The following GPR158 variants were observed in gnomAD, a reference collection of about 807,000 sequenced individuals.
GPR158 encodes G protein-coupled receptor 158.
Under a neutral mutation model 78.2 loss-of-function variants are expected in GPR158, and 30 were observed. The ratio of observed to expected loss-of-function variants is 0.38; its 90% confidence interval spans 0.29 to 0.52. GPR158 has a LOEUF of 0.52. Ranked by LOEUF, GPR158 falls within the 20% of genes least tolerant of loss-of-function variation. The probability of loss-of-function intolerance (pLI) is 0.83; values close to 1 mark genes in which losing one functional copy is unlikely to be tolerated. For synonymous variants in GPR158, 581 were observed against 591.1 expected (o/e 0.98, Z 0.25); for missense variants, 1,463 against 1,523.5 (o/e 0.96, Z 0.66).
intron 2 of GPR158, among the ~76,000 whole-genome samples, chr10:25,287,484 T>C (rs1018071575): frequency 2.0e-5 from 3 of 152,150 alleles, no homozygotes; most frequent in Admixed American, 1.3e-4. Context: ...TTTGTATTGG[T>C]GAGCAGCAAG....
Position 25,598,585 on chromosome 10 carries a change from A to C in GPR158, c.2959A>C (p.Asn987His). The change falls in exon 11 of 11, where the codon AAT (asparagine) becomes CAT (histidine). Residue 987 changes from asparagine to histidine, a missense_variant. Transcript: ENST00000376351. Reference sequence around the variant, plus strand: ...ACAAAGGGTCAACCCCACCACTGCCAATTCTGACCTGAACCCAGGCACCAC... The same window carrying C: ...ACAAAGGGTCAACCCCACCACTGCCCATTCTGACCTGAACCCAGGCACCAC... ...KQQRVNPTTA[N>H]SDLNPGTTQM... 4 of 1,614,050 alleles carry C rather than the reference A, an allele frequency of 2.5e-6. No homozygotes were observed. In the South Asian group the frequency reaches 4.4e-5, roughly 18 times the overall value.
At chr10:25,448,933 G>T (rs1243864806) in intron 4 of GPR158, among the ~76,000 whole-genome samples, 1 of 152,014 alleles carries the variant, frequency 6.6e-6, no homozygotes, top group Non-Finnish European at 1.5e-5. Flanking sequence ...AAGTAATAAT[G>T]TAAAAAACAC....
intron 7 of GPR158, among the ~76,000 whole-genome samples, chr10:25,580,941 G>A (rs185484310): frequency 0.014 from 1,685 of 120,670 alleles, 61 homozygotes; most frequent in African/African-American, 0.049. Flanking sequence ...TTTTTGAGAC[G>A]GAGTCTCGCT....
intron 4 of GPR158, among the ~76,000 whole-genome samples, chr10:25,437,938 C>T (rs1270770475): frequency 2.0e-5 from 3 of 152,096 alleles, no homozygotes; most frequent in Admixed American, 6.6e-5. Context: ...GAGAGAATAA[C>T]AGGTTGAAAA....
At chr10:25,282,415 AT>A (rs1418261571) in intron 2 of GPR158, among the ~76,000 whole-genome samples, 1 of 152,200 alleles carries the variant, frequency 6.6e-6, no homozygotes, top group African/African-American at 2.4e-5. Context: ...TTTCTTAACA[AT>A]TATGCTTACA....
intron 2 of GPR158, among the ~76,000 whole-genome samples, chr10:25,318,526 G>A (rs1234780608): frequency 6.6e-6 from 1 of 151,962 alleles, no homozygotes; most frequent in Non-Finnish European, 1.5e-5. Context: ...CTGGCTTCTT[G>A]TCTTTCAAGG....
intron 4 of GPR158, among the ~76,000 whole-genome samples, chr10:25,441,713 C>T (rs1835070516): frequency 6.6e-6 from 1 of 152,112 alleles, no homozygotes; most frequent in African/African-American, 2.4e-5. Flanking sequence ...GACTTATAAC[C>T]TTGAAAATTA....
At chr10:25,429,057 A>T (rs1363702324) in intron 4 of GPR158, among the ~76,000 whole-genome samples, 3 of 152,032 alleles carry the variant, frequency 2.0e-5, no homozygotes, top group Non-Finnish European at 4.4e-5. Context: ...CACCTGAAGA[A>T]TTATATTAAC....
At chr10:25,279,055 C>T (rs1237710474) in intron 2 of GPR158, among the ~76,000 whole-genome samples, 8 of 151,430 alleles carry the variant, frequency 5.3e-5, no homozygotes, top group Non-Finnish European at 1.5e-5. Context: ...TTCTAAGATC[C>T]TAAGATATAA....
intron 5 of GPR158, among the ~76,000 whole-genome samples, chr10:25,487,698 T>G (rs1437895756): frequency 1.3e-5 from 2 of 149,602 alleles, no homozygotes; most frequent in Non-Finnish European, 2.9e-5. Flanking sequence ...CAGACCCATT[T>G]TATTCATATA....
chr10:25,587,150 C>CT (rs2130746022), intron 7 of GPR158, among the ~76,000 whole-genome samples: 1 of 152,284 alleles, frequency 6.6e-6, no homozygotes, highest in South Asian at 2.1e-4. Context: ...GGTGAGGGAT[C>CT]TGGTGTCTCA....
intron 9 of GPR158, 105 bp downstream of exon 9, chr10:25,594,502 A>G: frequency 1.9e-6 from 1 of 525,616 alleles, no homozygotes; most frequent in African/African-American, 2.0e-5. Context: ...CTTAATATTT[A>G]AAAGAGTTTT....
At chr10:25,577,945 G>A (rs7911892) in intron 7 of GPR158, among the ~76,000 whole-genome samples, 5,891 of 152,298 alleles carry the variant, frequency 0.039, 115 homozygotes, top group African/African-American at 0.052. Flanking sequence ...TTTTCAGGCA[G>A]AGTAGTCAGT....
intron 2 of GPR158, among the ~76,000 whole-genome samples, chr10:25,296,026 T>C (rs533521140): frequency 8.2e-6 from 1 of 121,796 alleles, no homozygotes; most frequent in East Asian, 2.2e-4. Flanking sequence ...AAAAGGGAAA[T>C]GAGAAAAGCA....
At chr10:25,245,768 A>T (rs1383675970) in intron 2 of GPR158, among the ~76,000 whole-genome samples, 1 of 152,210 alleles carries the variant, frequency 6.6e-6, no homozygotes, top group Non-Finnish European at 1.5e-5. Flanking sequence ...ATAATCTTTT[A>T]TTAAAAATAC....
intron 5 of GPR158, among the ~76,000 whole-genome samples, chr10:25,525,938 C>T (rs1836341263): frequency 6.6e-6 from 1 of 151,762 alleles, no homozygotes. Context: ...GAAACCCCAT[C>T]TCTACTAAAA....
At chr10:25,531,340 C>T (rs886758389) in intron 5 of GPR158, among the ~76,000 whole-genome samples, 3 of 152,058 alleles carry the variant, frequency 2.0e-5, no homozygotes, top group African/African-American at 7.2e-5. Context: ...AAGTAAAAAC[C>T]CCGCGTCCAT....
intron 9 of GPR158, among the ~76,000 whole-genome samples, 160 bp from the exon 10 acceptor site, chr10:25,596,483 G>C (rs1837408156): frequency 6.6e-6 from 1 of 151,524 alleles, no homozygotes; most frequent in Non-Finnish European, 1.5e-5. Context: ...GTCTGTCTGT[G>C]TCTCTCTCTC....
At chr10:25,556,381 A>G (rs1836786820) in intron 6 of GPR158, among the ~76,000 whole-genome samples, 1 of 152,194 alleles carries the variant, frequency 6.6e-6, no homozygotes, top group Non-Finnish European at 1.5e-5. Flanking sequence ...CAGCCAAAAT[A>G]ATACACCAAT....
Sources: allele counts gnomAD v4.1 joint callset (sites outside exome capture counted in the v4.1 genomes callset), GRCh38; gene constraint gnomAD v4.1.1; transcripts MANE v1.5; gene names NCBI Gene and HGNC (gene_info 2026-07-23, HGNC 2026-07-21).